PUS7L: variants seen among roughly 807,000 people sequenced by gnomAD.
PUS7L encodes pseudouridine synthase 7 like, also known as pseudouridylate synthase PUS7L.
PUS7L carries 49 observed loss-of-function variants against 51.1 expected under a neutral mutation model. The ratio of observed to expected loss-of-function variants is 0.96; its 90% CI spans 0.76 to 1.22. PUS7L has a LOEUF of 1.22. Among genes scored for constraint, PUS7L ranks in the 50% most tolerant of loss-of-function variants. PUS7L has a pLI of 0.00. For missense variants in PUS7L, 828 were observed against 820.6 expected (o/e 1.01, Z -0.11); for synonymous variants, 277 against 276.2 (o/e 1.00, Z -0.03).
intron 2 of PUS7L, among the ~76,000 whole-genome samples, chr12:43,752,934 A>T (rs533642894): frequency 7.9e-5 from 12 of 152,334 alleles, no homozygotes; most frequent in Non-Finnish European, 1.5e-4. Flanking sequence ...TTTTTGAACC[A>T]TCATTCCTCC....
chr12:43,747,849 C>T (rs1178988616), intron 3 of PUS7L, among the ~76,000 whole-genome samples: 1 of 152,140 alleles, frequency 6.6e-6, no homozygotes. Flanking sequence ...AGTGCAGTTG[C>T]ATGATCCCTG....
intron 8 of PUS7L, among the ~76,000 whole-genome samples, chr12:43,731,038 CA>C (rs1212751881): frequency 7.2e-5 from 11 of 152,128 alleles, no homozygotes; most frequent in Non-Finnish European, 2.9e-5. Context: ...TTCTATAACA[CA>C]AAGAGTAACC....
Position 43,742,547 on chromosome 12 carries a change from GC to G in PUS7L, c.1271del (p.Gly424AlafsTer3). ...MEAIENVKKK[G>X]FVNYYGPQRF... ...TCTGTGGTCCATAGTAATTCACAAA[GC>G]CTTTTTTCTATGTATACAAAATAAT... On this transcript the variant is annotated frameshift_variant, in exon 5 of 9. Coordinates refer to ENST00000344862, the MANE Select transcript of PUS7L (RefSeq NM_031292.5). LOFTEE classifies it high-confidence loss of function. 6.3e-7 allele frequency: 1 copy of G among 1,598,066 alleles called. No individual in the cohort carries two copies. Among genetic ancestry groups the G allele is most frequent in the East Asian group, 2.2e-5 (1 of 44,462 alleles).
Position 43,738,173 on chromosome 12 carries a change from A to C in PUS7L, c.1444+137T>G. On this transcript the variant is annotated intron_variant, in intron 6 of 8. Coordinates refer to ENST00000344862, the MANE Select transcript of PUS7L (RefSeq NM_031292.5). ...AGTGAGTGCCTAAGTCATGTAATAAAAGTGTTCAGTATGTAATATACTATA... is the reference window on the plus strand; with the variant it reads ...AGTGAGTGCCTAAGTCATGTAATAACAGTGTTCAGTATGTAATATACTATA... 5.1e-6 allele frequency: 3 copies of C among 590,674 alleles called. No individual in the cohort carries two copies. The South Asian group carries it at 6.2e-5, about 12-fold the overall frequency. The allele number at this position is 590,674 out of a possible 1,614,324, so 36.6% of individuals were successfully genotyped here.
Position 43,720,002 on chromosome 12 carries a change from T to C in PUS7L, c.*10374A>G, listed in dbSNP as rs1362344582. On this transcript the variant is annotated 3_prime_UTR_variant, in exon 9 of 9. Coordinates refer to ENST00000344862, the MANE Select transcript of PUS7L (RefSeq NM_031292.5). ...TCTTTTGATGTTCTACTTGATGTCA[T>C]TTTCCTAACTTCTTTAGATGGGTGC... 6.6e-6 allele frequency: 1 copy of C among 152,202 alleles called. No individual in the cohort carries two copies. The allele number at this position is 152,202 out of a possible 1,614,324, so 9.4% of individuals were successfully genotyped here.
At chr12:43,738,712 A>G in intron 5 of PUS7L, 1 of 272,784 alleles carries the variant, frequency 3.7e-6, no homozygotes, top group East Asian at 1.1e-4. Flanking sequence ...AGTAAGGTGT[A>G]AGAATTCTGA....
chr12:43,749,366 C>T (rs982055798), intron 2 of PUS7L, among the ~76,000 whole-genome samples: 3 of 152,164 alleles, frequency 2.0e-5, no homozygotes, highest in African/African-American at 4.8e-5. Flanking sequence ...AATCAACCTA[C>T]GTGCCCAACA....
rs368348948 is a variant in PUS7L, at chr12:43,754,835, C to G, written c.411G>C (p.Leu137=). The change falls in exon 2 of 9, where the codon CTG becomes CTC. Residue 137 remains leucine, a synonymous_variant. Coordinates refer to ENST00000344862, the MANE Select transcript of PUS7L (RefSeq NM_031292.5). The part of the protein sequence containing the change: ...SFLDEKTHEL[L]NNFACDVREK... ...CTCTTACATCACAGGCAAAATTATT[C>G]AGTAACTCATGAGTTTTTTCATCCA... 86 of 1,613,584 alleles carry G rather than the reference C, an allele frequency of 5.3e-5. No individual in the cohort carries two copies. The highest frequency in any genetic ancestry group is 7.1e-5 in the Non-Finnish European group (84 of 1,179,850).
intron 4 of PUS7L, among the ~76,000 whole-genome samples, chr12:43,745,740 A>G (rs1221448168): frequency 6.6e-6 from 1 of 152,066 alleles, no homozygotes. Context: ...ACTACTCTAT[A>G]TAGCAGATGC....
In PUS7L at chr12:43,730,178, A is replaced by G. The variant is rs1944516247; in HGVS notation, c.*198T>C. ...AAAAAAACACAGGCTTTGGGGTCACATGGACCTTAAATTTGGACCCTGACA... is the reference window on the plus strand; with the variant it reads ...AAAAAAACACAGGCTTTGGGGTCACGTGGACCTTAAATTTGGACCCTGACA... On this transcript the variant is annotated 3_prime_UTR_variant, in exon 9 of 9. Coordinates refer to ENST00000344862, the MANE Select transcript of PUS7L (RefSeq NM_031292.5). The G allele has an allele frequency of 3.6e-6, 2 of 549,688 alleles. No individual in the cohort carries two copies. The highest frequency in any genetic ancestry group is 5.7e-5 in the East Asian group (2 of 35,016). 34.1% of individuals were successfully genotyped at this position (549,688 alleles called of 1,614,324 possible).
rs1944473869 is a variant in PUS7L at position 43,727,737 on chromosome 12, G to A, written c.*2639C>T. 1 of 152,126 alleles carries A rather than the reference G, an allele frequency of 6.6e-6. No individual in the cohort carries two copies. Among genetic ancestry groups the A allele is most frequent in the South Asian group, 2.1e-4 (1 of 4,826 alleles). The allele number at this position is 152,126 out of a possible 1,614,324, so 9.4% of individuals were successfully genotyped here. ...AGAAAAACAACCTATCAGGTACTAT[G>A]CTCATTATCTGGGTGATTAAATAAT... On this transcript the variant is annotated 3_prime_UTR_variant, in exon 9 of 9. Coordinates refer to ENST00000344862, the MANE Select transcript of PUS7L (RefSeq NM_031292.5).
intron 4 of PUS7L, among the ~76,000 whole-genome samples, chr12:43,744,135 C>A (rs1938048687): frequency 6.6e-6 from 1 of 152,126 alleles, no homozygotes; most frequent in Admixed American, 6.5e-5. Context: ...AAAGAAACTT[C>A]TACCTTTTTA....
intron 3 of PUS7L, 107 bp downstream of exon 3, chr12:43,748,335 TTCTGAATA>T: frequency 1.6e-6 from 1 of 608,936 alleles, no homozygotes; most frequent in South Asian, 3.7e-5. Flanking sequence ...TGAGACACTT[TTCTGAATA>T]TAAATGCATA....
Position 43,722,159 on chromosome 12 carries a change from G to A in PUS7L, c.*8217C>T, listed in dbSNP as rs1319166616. ...GTATTTGTGAAACAGCTGTAACAAA[G>A]GGTATGTACTATGGAGTAGTGACAG... On this transcript the variant is annotated 3_prime_UTR_variant, in exon 9 of 9. Coordinates refer to ENST00000344862, the MANE Select transcript of PUS7L (RefSeq NM_031292.5). The A allele has an allele frequency of 1.3e-5, 2 of 152,112 alleles. No individual in the cohort carries two copies. Among genetic ancestry groups the A allele is most frequent in the African/African-American group, 2.4e-5 (1 of 41,434 alleles). 9.4% of individuals were successfully genotyped at this position (152,112 alleles called of 1,614,324 possible).
chr12:43,742,650 C>T, intron 4 of PUS7L, 95 bp from the exon 5 acceptor site: 1 of 1,430,982 alleles, frequency 7.0e-7, no homozygotes, highest in Non-Finnish European at 9.1e-7. Context: ...ATTATTTTAA[C>T]AGAATAACTC....
At position 43,754,860 on chromosome 12, in the gene PUS7L, A is replaced by G. The variant is rs148390177; in HGVS notation, c.386T>C (p.Leu129Ser). ...EEKADVLSSF[L>S]DEKTHELLNN... ...CAGTAACTCATGAGTTTTTTCATCC[A>G]AAAAGGAGCTTAAAACATCAGCTTT... Residue 129 changes from leucine (L) to serine (S), a missense_variant, in exon 2 of 9, where the codon TTG becomes TCG. Leu to Ser is a moderately radical substitution (Grantham distance 145, BLOSUM62 -2). Transcript: ENST00000344862. 7.4e-6 allele frequency: 12 copies of G among 1,613,474 alleles called. No homozygotes were observed. The highest frequency in any genetic ancestry group is 6.7e-5 in the Admixed American group (4 of 59,938).
intron 3 of PUS7L, among the ~76,000 whole-genome samples, chr12:43,747,354 T>C (rs964453233): frequency 2.0e-5 from 3 of 152,218 alleles, no homozygotes; most frequent in Non-Finnish European, 4.4e-5. Context: ...TATTTTATTT[T>C]ATAAAGCAAA....
rs1035523438 is a variant in PUS7L at position 43,723,988 on chromosome 12, A to T, written c.*6388T>A. 6.6e-6 allele frequency: 1 copy of T among 152,080 alleles called. No homozygotes were observed. The highest frequency in any genetic ancestry group is 2.4e-5 in the African/African-American group (1 of 41,448). The allele number at this position is 152,080 out of a possible 1,614,324, so 9.4% of individuals were successfully genotyped here. A position where few individuals can be genotyped will look rare whatever the true frequency, so the allele number is the denominator to read the frequency against. On this transcript the variant is annotated 3_prime_UTR_variant, in exon 9 of 9. Transcript: ENST00000344862. ...CCTCTTTGATCTTTATGCAATCTTC[A>T]GTGTTTTTAACCGCAAAATAATACA...
chr12:43,719,071 TGTAA>T lies in PUS7L; in HGVS notation c.*11301_*11304del, dbSNP rs1178995991. 2 of 151,824 alleles carry T rather than the reference TGTAA, an allele frequency of 1.3e-5. No individual in the cohort carries two copies. Among genetic ancestry groups the T allele is most frequent in the Non-Finnish European group, 2.9e-5 (2 of 67,952 alleles). The allele number at this position is 151,824 out of a possible 1,614,324, so 9.4% of individuals were successfully genotyped here. On this transcript the variant is annotated 3_prime_UTR_variant, in exon 9 of 9. Transcript: ENST00000344862. ...AAAAGTCCTTAAAATTTATTGAAAG[TGTAA>T]GTAATATTTTTAGAACATATACTCA... is the stretch of plus-strand genomic sequence containing the variant.
Sources: allele counts gnomAD v4.1 joint callset (sites outside exome capture counted in the v4.1 genomes callset), GRCh38; gene constraint gnomAD v4.1.1; transcripts MANE v1.5; gene names NCBI Gene and HGNC (gene_info 2026-07-23, HGNC 2026-07-21).